Variants in VEGFB observed in about 807,000 individuals in gnomAD.
VEGFB encodes the protein VEGF-related factor.
A neutral mutation model predicts 22.5 loss-of-function variants in VEGFB; 24 were observed. That is an observed-to-expected ratio of 1.07 (90% CI 0.77 to 1.50). The LOEUF is 1.50. Ranked by LOEUF, VEGFB falls within the 40% of genes most tolerant of loss-of-function variation. The probability of loss-of-function intolerance (pLI) is 0.00; values close to 1 mark genes in which losing one functional copy is unlikely to be tolerated. For missense variants in VEGFB, 327 were observed against 287.8 expected (o/e 1.14, Z -0.99); for synonymous variants, 141 against 117.4 (o/e 1.20, Z -1.30).
Position 64,237,532 on chromosome 11 carries a change from T to C in VEGFB, c.523T>C (p.Ser175Pro). The C allele has an allele frequency of 1.2e-6, 2 of 1,609,974 alleles. No homozygotes were observed. The highest frequency in any genetic ancestry group is 1.7e-6 in the Non-Finnish European group (2 of 1,179,652). ...CCATCCCACTCCAGCCCCAGGCCCCTCTGCCCACGCTGCACCCAGCACCAC... is the reference window on the plus strand; with the variant it reads ...CCATCCCACTCCAGCCCCAGGCCCCCCTGCCCACGCTGCACCCAGCACCAC... ...ITHPTPAPGP[S>P]AHAAPSTTSA... Residue 175 changes from serine (S) to proline (P), a missense_variant, in exon 6 of 7, where the codon TCT (serine) becomes CCT (proline). Transcript: ENST00000309422.
At chr11:64,237,152 CTT>C (rs1322231143) in intron 4 of VEGFB, 33 bp from the exon 5 acceptor site, 3 of 1,526,424 alleles carry the variant, frequency 2.0e-6, no homozygotes, top group Admixed American at 3.6e-5. Context: ...TGATCTTCCT[CTT>C]GTTTGTCTGT....
At position 64,238,574 on chromosome 11, in the gene VEGFB, G is replaced by C. The variant is rs988672594; in HGVS notation, c.*241G>C. On this transcript the variant is annotated 3_prime_UTR_variant, in exon 7 of 7. Coordinates refer to ENST00000309422, the MANE Select transcript of VEGFB (RefSeq NM_003377.5). ...TGAGGCCATCATCAAACAGGACAGA[G>C]TTGGAAGAGGAGACTGGGAGGCAGC... 1.5e-5 allele frequency: 10 copies of C among 650,674 alleles called. 1 individual carries two copies. In the Admixed American group the frequency reaches 2.8e-4, roughly 18 times the overall value. The allele number at this position is 650,674 out of a possible 1,614,324, so 40.3% of individuals were successfully genotyped here.
At chr11:64,235,544 T>C (rs778062642) in intron 2 of VEGFB, 44 bp downstream of exon 2, 3 of 1,595,536 alleles carry the variant, frequency 1.9e-6, no homozygotes, top group South Asian at 2.2e-5. Context: ...CTAAGAGGGT[T>C]TGTCATGGGC....
chr11:64,235,549 A>G (rs750058708), intron 2 of VEGFB, 49 bp downstream of exon 2: 2 of 1,573,706 alleles, frequency 1.3e-6, no homozygotes, highest in South Asian at 1.1e-5. Context: ...AGGGTTTGTC[A>G]TGGGCCCTGA....
Position 64,237,598 on chromosome 11 carries a change from G to C in VEGFB, c.589G>C (p.Ala197Pro). ...CGGACCTGCCGCTGCCGCTGCCGAC[G>C]CCGCAGCTTCCTCCGTTGCCAAGGG... ...TPGPAAAAAD[A>P]AASSVAKGGA The change falls in exon 6 of 7, where the codon GCC becomes CCC. Residue 197 changes from alanine to proline, a missense_variant. Ala to Pro is a conservative substitution (Grantham distance 27, BLOSUM62 -1). Coordinates refer to ENST00000309422, the MANE Select transcript of VEGFB (RefSeq NM_003377.5). The C allele has an allele frequency of 6.3e-7, 1 of 1,589,428 alleles. No homozygotes were observed. The highest frequency in any genetic ancestry group is 8.5e-7 in the Non-Finnish European group (1 of 1,172,474).
At chr11:64,237,291 T>C in intron 5 of VEGFB, 69 bp downstream of exon 5, 1 of 1,534,936 alleles carries the variant, frequency 6.5e-7, no homozygotes, top group East Asian at 2.3e-5. Context: ...CTGTTGCTCC[T>C]CTTTCTCCTC....
rs1591081332 is a variant in VEGFB at position 64,237,120 on chromosome 11, AGAG to A, written c.375-66_375-64del. On this transcript the variant is annotated intron_variant, in intron 4 of 6. Transcript: ENST00000309422. Reference sequence around the variant, plus strand: ...GAGAGAGAGAGAGAGAGAGAGAGAGAGAGTAGGATGCTGGGATTTCCTGATCTT... The same window carrying A: ...GAGAGAGAGAGAGAGAGAGAGAGAGATAGGATGCTGGGATTTCCTGATCTT... 2.1e-5 allele frequency: 20 copies of A among 966,534 alleles called. 1 individual carries two copies. In the East Asian group the frequency reaches 4.2e-4, roughly 20 times the overall value. The allele number at this position is 966,534 out of a possible 1,614,324, so 59.9% of individuals were successfully genotyped here. A position where few individuals can be genotyped will look rare whatever the true frequency, so the allele number is the denominator to read the frequency against.
At chr11:64,236,742 A>G (rs78530088) in intron 4 of VEGFB, among the ~76,000 whole-genome samples, 6 of 120,802 alleles carry the variant, frequency 5.0e-5, no homozygotes, top group East Asian at 2.5e-4. Flanking sequence ...AAAAAAAAAA[A>G]AAGAGTAGAG....
At position 64,236,036 on chromosome 11, in the gene VEGFB, G is replaced by T. The variant is rs780191557; in HGVS notation, c.300+27G>T. On this transcript the variant is annotated intron_variant, in intron 3 of 6. Transcript: ENST00000309422. Reference sequence around the variant, plus strand: ...TACTGGGCAGGTGGGGCAACGGGCAGGGGATGCAGGTACTGGGCAGGTGGG... The same window carrying T: ...TACTGGGCAGGTGGGGCAACGGGCATGGGATGCAGGTACTGGGCAGGTGGG... The T allele has an allele frequency of 1.2e-5, 19 of 1,561,650 alleles. No individual in the cohort carries two copies. The African/African-American group carries it at 2.6e-4, about 21-fold the overall frequency.
rs747213137 is a variant in VEGFB, at chr11:64,237,411, C to T, written c.411-9C>T. 1 of 1,580,112 alleles carries T rather than the reference C, an allele frequency of 6.3e-7. No individual in the cohort carries two copies. The highest frequency in any genetic ancestry group is 8.7e-7 in the Non-Finnish European group (1 of 1,155,016). ...TTCCCACCCCAGACATGTCGCTTCT[C>T]CTCCCTAGGGCTGCCACTCCCCACC... is the stretch of plus-strand genomic sequence containing the variant. On this transcript the variant is annotated splice_polypyrimidine_tract_variant and intron_variant, in intron 5 of 6. Coordinates refer to ENST00000309422, the MANE Select transcript of VEGFB (RefSeq NM_003377.5).
rs148171166 is a variant in VEGFB at position 64,237,528 on chromosome 11, C to G, written c.519C>G (p.Gly173=). ...ADITHPTPAP[G]PSAHAAPSTT... is the part of the protein sequence containing the mutation. ...TCACCCATCCCACTCCAGCCCCAGG[C>G]CCCTCTGCCCACGCTGCACCCAGCA... Residue 173 remains glycine, a synonymous_variant, in exon 6 of 7, where the codon GGC becomes GGG. Transcript: ENST00000309422. 1 of 1,610,720 alleles carries G rather than the reference C, an allele frequency of 6.2e-7. No individual in the cohort carries two copies. The highest frequency in any genetic ancestry group is 8.5e-7 in the Non-Finnish European group (1 of 1,179,824).
Position 64,237,969 on chromosome 11 carries a change from T to C in VEGFB, c.*22+314T>C, listed in dbSNP as rs981861773. 12 of 481,508 alleles carry C rather than the reference T, an allele frequency of 2.5e-5. No homozygotes were observed. In the Admixed American group the frequency reaches 2.9e-4, roughly 12 times the overall value. 29.8% of individuals were successfully genotyped at this position (481,508 alleles called of 1,614,324 possible). ...GTGACATCTGCCCGGAGTAGAAATG[T>C]AGGACACAGCTTTTCCAGCTTGCAG... On this transcript the variant is annotated intron_variant, in intron 6 of 6. Transcript: ENST00000309422.
intron 6 of VEGFB, 85 bp downstream of exon 6, chr11:64,237,740 A>G: frequency 1.6e-6 from 2 of 1,242,486 alleles, no homozygotes; most frequent in Non-Finnish European, 2.2e-6. Context: ...TGCCAGTAGG[A>G]GGAGGGCCAG....
In VEGFB at chr11:64,235,844, T is replaced by C. The variant is rs1245831659; in HGVS notation, c.135T>C (p.Ala45=). ...VVSWIDVYTR[A]TCQPREVVVP... is the part of the protein sequence containing the mutation. ...CATGGATAGATGTGTATACTCGCGC[T>C]ACCTGCCAGCCCCGGGAGGTGGTGG... Residue 45 remains alanine, a synonymous_variant, in exon 3 of 7, where the codon GCT becomes GCC. Transcript: ENST00000309422. 6.2e-7 allele frequency: 1 copy of C among 1,613,982 alleles called. No individual in the cohort carries two copies. Among genetic ancestry groups the C allele is most frequent in the South Asian group, 1.1e-5 (1 of 91,084 alleles).
chr11:64,238,478 C>T lies in VEGFB; in HGVS notation c.*145C>T, dbSNP rs1187290828. On this transcript the variant is annotated 3_prime_UTR_variant, in exon 7 of 7. Transcript: ENST00000309422. ...GTAAAAAACAGCCAAGCCCCCAAGA[C>T]CTCAGCCCAGGCAGAAGCTGCTCTA... is the stretch of plus-strand genomic sequence containing the variant. The T allele has an allele frequency of 4.8e-6, 7 of 1,462,110 alleles. No homozygotes were observed. The highest frequency in any genetic ancestry group is 6.5e-6 in the Non-Finnish European group (7 of 1,080,960). The allele number at this position is 1,462,110 out of a possible 1,614,324, so 90.6% of individuals were successfully genotyped here. A position where few individuals can be genotyped will look rare whatever the true frequency, so the allele number is the denominator to read the frequency against.
At position 64,235,893 on chromosome 11, in the gene VEGFB, G is replaced by C; in HGVS notation, c.184G>C (p.Gly62Arg). The C allele has an allele frequency of 6.2e-7, 1 of 1,613,846 alleles. No individual in the cohort carries two copies. Among genetic ancestry groups the C allele is most frequent in the Non-Finnish European group, 8.5e-7 (1 of 1,179,998 alleles). The change falls in exon 3 of 7, where the codon GGC becomes CGC. Residue 62 changes from glycine to arginine, a missense_variant. By Grantham distance (125) the Gly-to-Arg change is moderately radical. Coordinates refer to ENST00000309422, the MANE Select transcript of VEGFB (RefSeq NM_003377.5). Reference protein sequence around the residue: ...VVVPLTVELMGTVAKQLVPSC... With the variant: ...VVVPLTVELMRTVAKQLVPSC... ...GGTGCCCTTGACTGTGGAGCTCATG[G>C]GCACCGTGGCCAAACAGCTGGTGCC...
At chr11:64,235,422 AGT>A (rs2029937402) in intron 1 of VEGFB, 34 bp from the exon 2 acceptor site, 2 of 1,606,452 alleles carry the variant, frequency 1.2e-6, no homozygotes, top group Non-Finnish European at 8.5e-7. Context: ...ACCCTCCTAA[AGT>A]GTACCTTGGG....
At position 64,237,056 on chromosome 11, in the gene VEGFB, C is replaced by G. The variant is rs1443345789; in HGVS notation, c.375-131C>G. On this transcript the variant is annotated intron_variant, in intron 4 of 6. Coordinates refer to ENST00000309422, the MANE Select transcript of VEGFB (RefSeq NM_003377.5). ...CGAGACCACGCCACTGCACTCCAGCCTGGGCAAGAAGAGGGAAACACAGTC... is the reference window on the plus strand; with the variant it reads ...CGAGACCACGCCACTGCACTCCAGCGTGGGCAAGAAGAGGGAAACACAGTC... 3.1e-5 allele frequency: 23 copies of G among 747,428 alleles called. 1 individual carries two copies. The South Asian group carries it at 4.4e-4, about 14-fold the overall frequency. 46.3% of individuals were successfully genotyped at this position (747,428 alleles called of 1,614,324 possible).
At position 64,239,019 on chromosome 11, in the gene VEGFB, C is replaced by T. The variant is rs141523634; in HGVS notation, c.*686C>T. 6.7e-4 allele frequency among the ~76,000 whole-genome samples: 102 copies of T among 152,308 alleles called. 1 individual carries two copies. The East Asian group carries it at 0.016, about 23-fold the overall frequency. On this transcript the variant is annotated 3_prime_UTR_variant, in exon 7 of 7. Transcript: ENST00000309422. ...TAGCCCAGTCAATACAGACTGCCTGCCCTCCTGCTCTTCACCAGGGTTCTT... is the reference window on the plus strand; with the variant it reads ...TAGCCCAGTCAATACAGACTGCCTGTCCTCCTGCTCTTCACCAGGGTTCTT...
Sources: gnomAD v4.1 joint callset for allele counts (sites outside exome capture counted in the v4.1 genomes callset) on GRCh38, gnomAD v4.1.1 for gene constraint, MANE v1.5 for transcripts, NCBI Gene and HGNC (gene_info 2026-07-23, HGNC 2026-07-21) for gene names.